RERE: variants seen among roughly 807,000 people sequenced by gnomAD.
RERE encodes arginine-glutamic acid dipeptide repeats protein.
Under a neutral mutation model 146.1 loss-of-function variants are expected in RERE, and 40 were observed. That is an observed-to-expected ratio of 0.27 (90% CI 0.21 to 0.36). The LOEUF is 0.36. Among genes scored for constraint, RERE ranks in the 10% least tolerant of loss-of-function variants. RERE has a pLI of 1.00. For synonymous variants in RERE, 1,003 were observed against 866.0 expected (o/e 1.16, Z -2.78); for missense variants, 1,933 against 2,138.7 (o/e 0.90, Z 1.90).
chr1:8,529,869 G>A (rs1001966737), intron 7 of RERE, among the ~76,000 whole-genome samples: 1 of 152,108 alleles, frequency 6.6e-6, no homozygotes, highest in Non-Finnish European at 1.5e-5. Flanking sequence ...TAGAAATGGG[G>A]CTCTGATTCC....
chr1:8,531,096 T>C (rs1427112018), intron 7 of RERE, among the ~76,000 whole-genome samples: 1 of 151,184 alleles, frequency 6.6e-6, no homozygotes, highest in Non-Finnish European at 1.5e-5. Context: ...TGTCCATCTT[T>C]CTATCTATCT....
intron 1 of RERE, among the ~76,000 whole-genome samples, chr1:8,803,092 T>TA (rs1641616675): frequency 6.6e-6 from 1 of 152,192 alleles, no homozygotes; most frequent in Non-Finnish European, 1.5e-5. Context: ...TTATGACAAT[T>TA]ACACAATTGC....
intron 1 of RERE, among the ~76,000 whole-genome samples, chr1:8,755,202 A>G (rs1372469773): frequency 6.6e-6 from 1 of 152,256 alleles, no homozygotes; most frequent in Non-Finnish European, 1.5e-5. Context: ...TGGCAGCAGT[A>G]CAGATGGACT....
chr1:8,506,163 A>G (rs1020506435), intron 8 of RERE, among the ~76,000 whole-genome samples: 1 of 152,228 alleles, frequency 6.6e-6, no homozygotes, highest in Non-Finnish European at 1.5e-5. Context: ...AGTGCAAGAG[A>G]AAGTAGAGAA....
In RERE at chr1:8,493,693, T is replaced by C. The variant is rs1383431105; in HGVS notation, c.1104+1370A>G. 3.3e-5 allele frequency among the ~76,000 whole-genome samples: 5 copies of C among 152,116 alleles called. No individual in the cohort carries two copies. The South Asian group carries it at 6.2e-4, about 19-fold the overall frequency. Reference sequence around the variant, plus strand: ...TGATCTTGAAAGTCTCTTCTAACTATAGTGACCTCTCAAGAAATTAAAAAA... The same window carrying C: ...TGATCTTGAAAGTCTCTTCTAACTACAGTGACCTCTCAAGAAATTAAAAAA... On this transcript the variant is annotated intron_variant, in intron 10 of 22. Transcript: ENST00000400908.
intron 2 of RERE, among the ~76,000 whole-genome samples, chr1:8,641,945 T>TG (rs1283941128): frequency 6.6e-6 from 1 of 152,194 alleles, no homozygotes; most frequent in African/African-American, 2.4e-5. Context: ...TTAACTAGGG[T>TG]GGCAGTTCAC....
At chr1:8,779,693 G>C (rs1014107166) in intron 1 of RERE, among the ~76,000 whole-genome samples, 2 of 151,896 alleles carry the variant, frequency 1.3e-5, no homozygotes, top group East Asian at 1.9e-4. Flanking sequence ...AGCTCCATGA[G>C]AGCAGAGATT....
In RERE at chr1:8,557,133, G is replaced by A. The variant is rs938684749; in HGVS notation, c.628+285C>T. 9.2e-5 allele frequency among the ~76,000 whole-genome samples: 14 copies of A among 152,032 alleles called. No individual in the cohort carries two copies. In the South Asian group the frequency reaches 1.9e-3, roughly 20 times the overall value. On this transcript the variant is annotated intron_variant, in intron 5 of 22. Transcript: ENST00000400908. ...GTGAGAAAAGTGGAGCAGGATCAGG[G>A]CCAGGCAAAGTTTGATGCCAGCGCC...
intron 11 of RERE, among the ~76,000 whole-genome samples, chr1:8,451,081 A>G (rs2124069807): frequency 6.6e-6 from 1 of 152,202 alleles, no homozygotes; most frequent in Middle Eastern, 3.4e-3. Context: ...CTGGTTCCCC[A>G]TGTTCTCTAT....
intron 4 of RERE, among the ~76,000 whole-genome samples, chr1:8,574,757 C>G (rs574704513): frequency 6.6e-6 from 1 of 152,282 alleles, no homozygotes; most frequent in South Asian, 2.1e-4. Flanking sequence ...GCAGAGCTCA[C>G]AGCAGTAGTT....
intron 1 of RERE, among the ~76,000 whole-genome samples, chr1:8,801,638 T>C (rs1641593407): frequency 6.6e-6 from 1 of 152,190 alleles, no homozygotes; most frequent in Non-Finnish European, 1.5e-5. Flanking sequence ...ACAAAGATTA[T>C]AAAATTTCAT....
At chr1:8,598,347 G>A (rs1646580468) in intron 4 of RERE, among the ~76,000 whole-genome samples, 2 of 152,208 alleles carry the variant, frequency 1.3e-5, no homozygotes, top group Admixed American at 1.3e-4. Context: ...CCACCTATGA[G>A]AAGATGGCGC....
intron 4 of RERE, among the ~76,000 whole-genome samples, chr1:8,583,064 T>C (rs1313290914): frequency 6.6e-6 from 1 of 152,334 alleles, no homozygotes; most frequent in Non-Finnish European, 1.5e-5. Flanking sequence ...TCATGGTTTA[T>C]ACAGGAATGG....
chr1:8,687,391 G>A (rs1639114825), intron 1 of RERE, among the ~76,000 whole-genome samples: 1 of 152,274 alleles, frequency 6.6e-6, no homozygotes, highest in African/African-American at 2.4e-5. Flanking sequence ...ATGAGGCCAA[G>A]GAGGAAGTAT....
At position 8,473,864 on chromosome 1, in the gene RERE, A is replaced by G. The variant is rs560640335; in HGVS notation, c.1105-7841T>C. Among the ~76,000 whole-genome samples the G allele has an allele frequency of 3.0e-4, 45 of 152,336 alleles. 1 individual carries two copies. In the South Asian group the frequency reaches 8.9e-3, roughly 30 times the overall value. ...CTGTAAGCTGTACAGTGGTATCATC[A>G]TGGGGAGTAATATTTTAGATACATG... On this transcript the variant is annotated intron_variant, in intron 10 of 22. Transcript: ENST00000400908.
chr1:8,747,504 T>C (rs1362044914), intron 1 of RERE, among the ~76,000 whole-genome samples: 1 of 152,014 alleles, frequency 6.6e-6, no homozygotes, highest in Admixed American at 6.6e-5. Context: ...TTGCTACCAA[T>C]TACAACTTTG....
At chr1:8,677,246 A>G (rs1267431738) in intron 1 of RERE, among the ~76,000 whole-genome samples, 4 of 152,056 alleles carry the variant, frequency 2.6e-5, no homozygotes, top group East Asian at 1.9e-4. Context: ...CCTGGCCAAC[A>G]TGGTAAAACC....
intron 1 of RERE, among the ~76,000 whole-genome samples, chr1:8,791,305 T>C (rs1641359619): frequency 6.6e-6 from 1 of 152,212 alleles, no homozygotes. Context: ...TGTTGGAGCA[T>C]CATGTTTCTA....
intron 1 of RERE, among the ~76,000 whole-genome samples, chr1:8,800,667 T>TA (rs958352820): frequency 6.6e-6 from 1 of 152,168 alleles, no homozygotes; most frequent in Non-Finnish European, 1.5e-5. Flanking sequence ...ATTCCGTCTC[T>TA]AAAAAAACTT....
Sources: allele counts gnomAD v4.1 joint callset (sites outside exome capture counted in the v4.1 genomes callset), GRCh38; gene constraint gnomAD v4.1.1; transcripts MANE v1.5; gene names NCBI Gene and HGNC (gene_info 2026-07-23, HGNC 2026-07-21).